CAMK1D: variants seen among roughly 807,000 people sequenced by gnomAD.
The protein encoded by CAMK1D is calcium/calmodulin-dependent protein kinase type 1D.
CAMK1D carries 9 observed loss-of-function variants against 47.7 expected under a neutral mutation model. That is an observed-to-expected ratio of 0.19 (90% CI 0.11 to 0.33). The LOEUF (loss-of-function observed/expected upper bound fraction) is 0.33. Ranked by LOEUF, CAMK1D falls within the 10% of genes least tolerant of loss-of-function variation. The probability of loss-of-function intolerance (pLI) is 1.00; values close to 1 mark genes in which losing one functional copy is unlikely to be tolerated. For missense variants in CAMK1D, 291 were observed against 488.7 expected (o/e 0.60, Z 3.81); for synonymous variants, 184 against 184.9 (o/e 0.99, Z 0.04).
At chr10:12,611,789 C>T (rs189909820) in intron 2 of CAMK1D, among the ~76,000 whole-genome samples, 3 of 151,986 alleles carry the variant, frequency 2.0e-5, no homozygotes, top group African/African-American at 7.2e-5. Context: ...GATAGGGTTT[C>T]ACCGTGTTGG....
intron 3 of CAMK1D, among the ~76,000 whole-genome samples, chr10:12,754,620 T>C (rs1588889113): frequency 6.6e-6 from 1 of 152,222 alleles, no homozygotes; most frequent in East Asian, 1.9e-4. Context: ...GCTTAAACAA[T>C]AGGCATTTAT....
At chr10:12,383,942 T>C (rs1447625986) in intron 1 of CAMK1D, among the ~76,000 whole-genome samples, 1 of 152,172 alleles carries the variant, frequency 6.6e-6, no homozygotes, top group East Asian at 1.9e-4. Flanking sequence ...GAGATGATCC[T>C]GTAGAGAGAA....
At chr10:12,480,095 T>G (rs1230582609) in intron 1 of CAMK1D, among the ~76,000 whole-genome samples, 1 of 152,168 alleles carries the variant, frequency 6.6e-6, no homozygotes, top group Non-Finnish European at 1.5e-5. Context: ...AGGGGCTTGG[T>G]CCACACCTGC....
intron 1 of CAMK1D, among the ~76,000 whole-genome samples, chr10:12,530,548 G>A (rs1835771099): frequency 6.6e-6 from 1 of 152,192 alleles, no homozygotes. Flanking sequence ...GGTTTGTGCA[G>A]TCTAACCAAT....
rs553094991 is a variant in CAMK1D, at chr10:12,516,650, T to C, written c.93-36575T>C. ...TGCTCTATATTCTTGTTAGCTCTTGTTATTGTCAGTTTTTAAAACATTCTA... is the reference window on the plus strand; with the variant it reads ...TGCTCTATATTCTTGTTAGCTCTTGCTATTGTCAGTTTTTAAAACATTCTA... On this transcript the variant is annotated intron_variant, in intron 1 of 10. Coordinates refer to ENST00000619168, the MANE Select transcript of CAMK1D (RefSeq NM_153498.4). Among the ~76,000 whole-genome samples, 57 of 152,362 alleles carry C rather than the reference T, an allele frequency of 3.7e-4. 2 individuals are homozygous for C. Among genetic ancestry groups the C allele is most frequent in the Admixed American group, 3.5e-3 (54 of 15,308 alleles).
chr10:12,728,388 G>A (rs1053654310), intron 3 of CAMK1D, among the ~76,000 whole-genome samples: 1 of 152,188 alleles, frequency 6.6e-6, no homozygotes, highest in African/African-American at 2.4e-5. Context: ...ACAAACATTC[G>A]AATTGTGTTA....
rs557546568 is a variant in CAMK1D, at chr10:12,678,997, G to A, written c.299+12187G>A. On this transcript the variant is annotated intron_variant, in intron 3 of 10. Coordinates refer to ENST00000619168, the MANE Select transcript of CAMK1D (RefSeq NM_153498.4). Reference sequence around the variant, plus strand: ...AGGTTGGTCTCGAACTGCTGACCTCGTGATCTGCCTGCCTCAGTCTCCCAA... The same window carrying A: ...AGGTTGGTCTCGAACTGCTGACCTCATGATCTGCCTGCCTCAGTCTCCCAA... Among the ~76,000 whole-genome samples, 152 of 152,154 alleles carry A rather than the reference G, an allele frequency of 1.0e-3. 2 individuals are homozygous for A. Among genetic ancestry groups the A allele is most frequent in the Non-Finnish European group, 9.4e-4 (64 of 67,998 alleles).
chr10:12,733,372 G>A (rs1280688202), intron 3 of CAMK1D, among the ~76,000 whole-genome samples: 1 of 152,202 alleles, frequency 6.6e-6, no homozygotes, highest in Non-Finnish European at 1.5e-5. Flanking sequence ...GAAAACCTGA[G>A]TTAATGTTAG....
chr10:12,616,770 G>A lies in CAMK1D; in HGVS notation c.225-49966G>A, dbSNP rs1432488908. Among the ~76,000 whole-genome samples the A allele has an allele frequency of 4.6e-5, 7 of 152,274 alleles. No homozygotes were observed. In the East Asian group the frequency reaches 1.3e-3, roughly 29 times the overall value. ...CTGACCTCGTGATCCGCCCGCCTCG[G>A]CCTCCCAAAGTGCTGAGATGACAGG... On this transcript the variant is annotated intron_variant, in intron 2 of 10. Coordinates refer to ENST00000619168, the MANE Select transcript of CAMK1D (RefSeq NM_153498.4).
At chr10:12,560,290 C>T (rs755008867) in intron 2 of CAMK1D, among the ~76,000 whole-genome samples, 12 of 152,038 alleles carry the variant, frequency 7.9e-5, no homozygotes, top group Non-Finnish European at 1.3e-4. Flanking sequence ...CGGTGGCTCA[C>T]GCCTGTAATC....
At chr10:12,500,602 A>G (rs1253101746) in intron 1 of CAMK1D, among the ~76,000 whole-genome samples, 2 of 152,252 alleles carry the variant, frequency 1.3e-5, no homozygotes, top group Non-Finnish European at 2.9e-5. Context: ...AGATCAGATT[A>G]TGAAGCCTGA....
chr10:12,362,096 T>G (rs940264080), intron 1 of CAMK1D, among the ~76,000 whole-genome samples: 2 of 152,158 alleles, frequency 1.3e-5, no homozygotes, highest in African/African-American at 4.8e-5. Flanking sequence ...AAATACATAG[T>G]ATAAAACTTG....
At chr10:12,394,639 C>T (rs1011558691) in intron 1 of CAMK1D, among the ~76,000 whole-genome samples, 3 of 152,150 alleles carry the variant, frequency 2.0e-5, no homozygotes, top group Non-Finnish European at 4.4e-5. Flanking sequence ...TACCCTGCCA[C>T]ACCTGGGAGG....
chr10:12,471,498 C>G (rs1833745616), intron 1 of CAMK1D, among the ~76,000 whole-genome samples: 1 of 152,158 alleles, frequency 6.6e-6, no homozygotes, highest in Non-Finnish European at 1.5e-5. Flanking sequence ...GACTAGAGCT[C>G]AGCAGCCTAA....
At chr10:12,445,756 G>A (rs1431267902) in intron 1 of CAMK1D, among the ~76,000 whole-genome samples, 1 of 152,156 alleles carries the variant, frequency 6.6e-6, no homozygotes, top group African/African-American at 2.4e-5. Flanking sequence ...TTGCTCATTT[G>A]TTTTTATTGT....
rs75539380 is a variant in CAMK1D at position 12,629,985 on chromosome 10, T to C, written c.225-36751T>C. Among the ~76,000 whole-genome samples, 511 of 152,272 alleles carry C rather than the reference T, an allele frequency of 3.4e-3. 2 individuals are homozygous for C. Among genetic ancestry groups the C allele is most frequent in the African/African-American group, 0.011 (449 of 41,552 alleles). On this transcript the variant is annotated intron_variant, in intron 2 of 10. Transcript: ENST00000619168. The stretch of plus-strand genomic sequence containing the variant: ...GGCAGGGCTGCAGCTCTCTGAGAGA[T>C]GGTCTGTTCCGGAGAGGCTGAGGTC...
chr10:12,825,546 CT>C (rs1833170858), intron 9 of CAMK1D, 26 bp from the exon 10 acceptor site: 1 of 1,600,622 alleles, frequency 6.2e-7, no homozygotes, highest in Non-Finnish European at 8.5e-7. Context: ...AAATATTTGT[CT>C]GCTTTTTTCC....
At chr10:12,449,734 G>A (rs1023871764) in intron 1 of CAMK1D, among the ~76,000 whole-genome samples, 7 of 152,200 alleles carry the variant, frequency 4.6e-5, no homozygotes, top group African/African-American at 1.7e-4. Context: ...GCCGGGCGTG[G>A]TGGCCCACGC....
At chr10:12,487,017 AAAAAC>A (rs1315846990) in intron 1 of CAMK1D, among the ~76,000 whole-genome samples, 1 of 152,210 alleles carries the variant, frequency 6.6e-6, no homozygotes. Flanking sequence ...TTAAAAGAAA[AAAAAC>A]ACCTTTTATT....
Sources: gnomAD v4.1 joint callset for allele counts (sites outside exome capture counted in the v4.1 genomes callset) on GRCh38, gnomAD v4.1.1 for gene constraint, MANE v1.5 for transcripts, NCBI Gene and HGNC (gene_info 2026-07-23, HGNC 2026-07-21) for gene names.